The following PPL variants were observed in gnomAD, a reference collection of about 807,000 sequenced individuals.
PPL encodes periplakin, also known as 190 kDa paraneoplastic pemphigus antigen.
A neutral mutation model predicts 194.4 loss-of-function variants in PPL; 198 were observed. That is an observed-to-expected ratio of 1.02 (90% CI 0.91 to 1.15). The LOEUF is 1.15. Ranked by LOEUF, PPL falls within the 50% of genes most tolerant of loss-of-function variation. PPL has a pLI of 0.00. For synonymous variants in PPL, 1,220 were observed against 972.4 expected (o/e 1.25, Z -4.74); for missense variants, 2,885 against 2,294.8 (o/e 1.26, Z -5.25).
intron 2 of PPL, among the ~76,000 whole-genome samples, chr16:4,904,710 A>T (rs1254237401): frequency 1.3e-5 from 2 of 152,122 alleles, no homozygotes; most frequent in African/African-American, 4.8e-5. Context: ...GAGCAGCTAG[A>T]ACACACAATG....
At position 4,893,595 on chromosome 16, in the gene PPL, T is replaced by C. The variant is rs750008657; in HGVS notation, c.1438A>G (p.Ser480Gly). The C allele has an allele frequency of 1.2e-6, 2 of 1,610,500 alleles. No individual in the cohort carries two copies. Among genetic ancestry groups the C allele is most frequent in the Admixed American group, 1.7e-5 (1 of 59,900 alleles). Residue 480 changes from serine to glycine, a missense_variant, in exon 13 of 22, where the codon AGC (serine) becomes GGC (glycine). Ser to Gly is a moderately conservative substitution (Grantham distance 56). Coordinates refer to ENST00000345988, the MANE Select transcript of PPL (RefSeq NM_002705.5). The stretch of plus-strand genomic sequence containing the variant: ...TACCGCTGCTGCAGCGTGCGTTTGC[T>C]CCCAGCTGCCTTCTGCCGCACGCTC... The part of the protein sequence containing the change: ...YRSVRQKAAG[S>G]KRTLQQRYEV...
rs932521423 is a variant in PPL at position 4,893,206 on chromosome 16, C to T, written c.1650+7G>A. The T allele has an allele frequency of 6.5e-7, 1 of 1,549,750 alleles. No individual in the cohort carries two copies. ...CGGCCCCACCTGTGCTCCTGACCCGCAGGTACCTTGAGGTCCTTGGCCCGC... is the reference window on the plus strand; with the variant it reads ...CGGCCCCACCTGTGCTCCTGACCCGTAGGTACCTTGAGGTCCTTGGCCCGC... On this transcript the variant is annotated splice_region_variant and intron_variant, in intron 14 of 21. Coordinates refer to ENST00000345988, the MANE Select transcript of PPL (RefSeq NM_002705.5).
intron 2 of PPL, 151 bp from the exon 3 acceptor site, chr16:4,904,191 G>A (rs543620984): frequency 1.2e-5 from 10 of 806,880 alleles, no homozygotes; most frequent in Middle Eastern, 3.2e-4. Flanking sequence ...GAGCGCAGTC[G>A]GTAGTTCCAT....
At chr16:4,903,748 G>T in intron 3 of PPL, 138 bp downstream of exon 3, 4 of 939,654 alleles carry the variant, frequency 4.3e-6, no homozygotes, top group Non-Finnish European at 6.4e-6. Context: ...AGGATCATGT[G>T]AAGCCTTTGG....
At chr16:4,908,735 T>G (rs1301267697) in intron 2 of PPL, among the ~76,000 whole-genome samples, 2 of 152,134 alleles carry the variant, frequency 1.3e-5, no homozygotes, top group Non-Finnish European at 2.9e-5. Flanking sequence ...GAGACGAGGT[T>G]TCACCATGTT....
At position 4,892,018 on chromosome 16, in the gene PPL, G is replaced by A. The variant is rs759685654; in HGVS notation, c.1829+17C>T. ...CTGACCCCACCCCAACCTCCATGCT[G>A]CCTGTCTGCCACCCACTTCTCCTGG... On this transcript the variant is annotated intron_variant, in intron 15 of 21. Coordinates refer to ENST00000345988, the MANE Select transcript of PPL (RefSeq NM_002705.5). The A allele has an allele frequency of 1.9e-6, 3 of 1,611,944 alleles. No individual in the cohort carries two copies. The South Asian group carries it at 3.3e-5, about 18-fold the overall frequency.
rs757345281 is a variant in PPL at position 4,903,955 on chromosome 16, T to C, written c.248A>G (p.Tyr83Cys). 51 of 1,613,926 alleles carry C rather than the reference T, an allele frequency of 3.2e-5. No homozygotes were observed. The highest frequency in any genetic ancestry group is 1.6e-4 in the Middle Eastern group (1 of 6,084). Residue 83 changes from tyrosine to cysteine, a missense_variant, in exon 3 of 22, where the codon TAT becomes TGT. Tyr to Cys is a radical substitution (Grantham distance 194). Coordinates refer to ENST00000345988, the MANE Select transcript of PPL (RefSeq NM_002705.5). ...AATGGCCGCATCCGCCTCTAGCACA[T>C]AGAGCAGCTTCTCAGAGTCCAACAC... ...QKVLDSEKLL[Y>C]VLEADAAIAK...
intron 1 of PPL, among the ~76,000 whole-genome samples, chr16:4,916,340 T>A (rs190612228): frequency 9.3e-4 from 141 of 151,882 alleles, no homozygotes; most frequent in Non-Finnish European, 1.8e-3. Context: ...GCCTCCCGAG[T>A]AGCTAGGATT....
intron 1 of PPL, 39 bp downstream of exon 1, chr16:4,936,945 C>T (rs2089308006): frequency 6.4e-7 from 1 of 1,570,602 alleles, no homozygotes; most frequent in South Asian, 1.1e-5. Context: ...CCCACAGGGG[C>T]AAGAGCGTCC....
chr16:4,914,492 T>C (rs1265221211), intron 1 of PPL, among the ~76,000 whole-genome samples: 1 of 152,180 alleles, frequency 6.6e-6, no homozygotes. Context: ...GTTCCACACC[T>C]TGCTTAAGGG....
At chr16:4,913,663 G>C (rs142705715) in intron 1 of PPL, among the ~76,000 whole-genome samples, 1,590 of 152,280 alleles carry the variant, frequency 0.01, 28 homozygotes, top group African/African-American at 0.035. Flanking sequence ...TCAGCCTTTT[G>C]AGTAGCTGGG....
rs148029163 is a variant in PPL at position 4,892,201 on chromosome 16, C to G, written c.1663G>C (p.Glu555Gln). The stretch of plus-strand genomic sequence containing the variant: ...TTCTCAGGTTCAATCCGCAGTAGCT[C>G]GTTGGTGATGTTCTGTGGGAACCAG... ...RAKDLKNITNELLRIEPEKTR... is the reference protein window; with the variant it reads ...RAKDLKNITNQLLRIEPEKTR... Residue 555 changes from glutamate (E) to glutamine (Q), a missense_variant, in exon 15 of 22, where the codon GAG (glutamate) becomes CAG (glutamine). Coordinates refer to ENST00000345988, the MANE Select transcript of PPL (RefSeq NM_002705.5). The G allele has an allele frequency of 1.2e-6, 2 of 1,612,006 alleles. No individual in the cohort carries two copies. The highest frequency in any genetic ancestry group is 2.2e-5 in the South Asian group (2 of 91,048).
intron 2 of PPL, 133 bp from the exon 3 acceptor site, chr16:4,904,173 TC>T (rs971339103): frequency 8.2e-6 from 8 of 972,262 alleles, no homozygotes; most frequent in Admixed American, 4.9e-5. Flanking sequence ...TCCAGGCTTG[TC>T]CATATGGAGC....
chr16:4,921,422 T>G (rs1480253263), intron 1 of PPL, among the ~76,000 whole-genome samples: 1 of 152,190 alleles, frequency 6.6e-6, no homozygotes, highest in East Asian at 1.9e-4. Context: ...TCAGGTCTCC[T>G]GGCTCTGTCG....
At chr16:4,889,263 T>C (rs1258008024) in intron 18 of PPL, among the ~76,000 whole-genome samples, 1 of 129,384 alleles carries the variant, frequency 7.7e-6, no homozygotes, top group African/African-American at 3.1e-5. Context: ...TTTTTTTTTT[T>C]TTTTTTTTTT....
chr16:4,893,349 C>T lies in PPL; in HGVS notation c.1514G>A (p.Arg505Gln), dbSNP rs148768945. The change falls in exon 14 of 22, where the codon CGG (arginine) becomes CAG (glutamine). Residue 505 changes from arginine to glutamine, a missense_variant. Arg to Gln is a conservative substitution (Grantham distance 43, BLOSUM62 1). Transcript: ENST00000345988. ...NPGDASDLQGRQLLAGLDKVA... is the reference protein window; with the variant it reads ...NPGDASDLQGQQLLAGLDKVA... ...CTTGTCCAAGCCAGCCAGCAGCTGCCGCCCCTGTAGGTCAGAGGCATCTGT... is the reference window on the plus strand; with the variant it reads ...CTTGTCCAAGCCAGCCAGCAGCTGCTGCCCCTGTAGGTCAGAGGCATCTGT... 83 of 1,607,626 alleles carry T rather than the reference C, an allele frequency of 5.2e-5. No homozygotes were observed. Among genetic ancestry groups the T allele is most frequent in the Non-Finnish European group, 6.6e-5 (78 of 1,179,792 alleles).
intron 3 of PPL, 91 bp downstream of exon 3, chr16:4,903,793 CCT>C (rs1266665527): frequency 6.7e-7 from 1 of 1,491,662 alleles, no homozygotes; most frequent in East Asian, 2.3e-5. Flanking sequence ...CTTGATAACC[CCT>C]GACTCGGGCT....
At chr16:4,931,167 C>T (rs964328043) in intron 1 of PPL, among the ~76,000 whole-genome samples, 1 of 152,054 alleles carries the variant, frequency 6.6e-6, no homozygotes, top group Non-Finnish European at 1.5e-5. Context: ...AGTTCAGGAC[C>T]AGAGTGGGCA....
At chr16:4,925,355 C>T (rs1461572193) in intron 1 of PPL, among the ~76,000 whole-genome samples, 5 of 151,928 alleles carry the variant, frequency 3.3e-5, no homozygotes, top group Non-Finnish European at 5.9e-5. Flanking sequence ...AGGCAACCAC[C>T]GTGGACACTC....
Sources: allele counts gnomAD v4.1 joint callset (sites outside exome capture counted in the v4.1 genomes callset), GRCh38; gene constraint gnomAD v4.1.1; transcripts MANE v1.5; gene names NCBI Gene and HGNC (gene_info 2026-07-23, HGNC 2026-07-21).